DGKB: variants seen among roughly 807,000 people sequenced by gnomAD.
DGKB encodes the protein 90 kDa diacylglycerol kinase.
A neutral mutation model predicts 114.3 loss-of-function variants in DGKB; 67 were observed. The ratio of observed to expected loss-of-function variants is 0.59; its 90% CI spans 0.48 to 0.72. The LOEUF (loss-of-function observed/expected upper bound fraction) is 0.72, where lower values mean the gene tolerates loss of function less well. Ranked by LOEUF, DGKB falls within the 30% of genes least tolerant of loss-of-function variation. DGKB has a pLI of 0.00. For missense variants in DGKB, 907 were observed against 975.2 expected, an observed-to-expected ratio of 0.93 and a Z score of 0.93; for synonymous variants, 398 against 323.1, an observed-to-expected ratio of 1.23 and a Z score of -2.49.
chr7:14,192,086 C>G, intron 23 of DGKB: 1 of 411,226 alleles, frequency 2.4e-6, no homozygotes, highest in Non-Finnish European at 4.8e-6. Context: ...AAGCAGTGGA[C>G]AGGAAGGCTG....
intron 2 of DGKB, among the ~76,000 whole-genome samples, chr7:14,794,721 A>G (rs555277545): frequency 4.6e-5 from 7 of 152,310 alleles, no homozygotes; most frequent in African/African-American, 1.7e-4. Context: ...AGTTAAAATG[A>G]AGGCATTTAA....
chr7:14,808,421 C>G (rs1217500447), intron 2 of DGKB, among the ~76,000 whole-genome samples: 4 of 151,942 alleles, frequency 2.6e-5, no homozygotes, highest in Non-Finnish European at 5.9e-5. Flanking sequence ...TTAATGCTTC[C>G]TAAATGTTCA....
At chr7:14,475,872 T>C (rs1782090366) in intron 21 of DGKB, among the ~76,000 whole-genome samples, 1 of 152,074 alleles carries the variant, frequency 6.6e-6, no homozygotes. Flanking sequence ...TAGGAGTCTT[T>C]ATGAGTAAGA....
At chr7:14,641,796 AT>A (rs150411983) in intron 13 of DGKB, among the ~76,000 whole-genome samples, 6,457 of 152,076 alleles carry the variant, frequency 0.042, 433 homozygotes, top group African/African-American at 0.15. Context: ...TAGAATAAGC[AT>A]TTTTTTATTA....
rs1323448249 is a variant in DGKB at position 14,458,436 on chromosome 7, C to T, written c.1835+19725G>A. ...ATGGCTGAGTAGGAACAGCTCCTGT[C>T]TGCAGCTCCCAGCGAAATCAATGCA... On this transcript the variant is annotated intron_variant, in intron 21 of 25. Coordinates refer to ENST00000402815, the MANE Select transcript of DGKB (RefSeq NM_001350709.2). Among the ~76,000 whole-genome samples, 14 of 152,172 alleles carry T rather than the reference C, an allele frequency of 9.2e-5. 1 individual carries two copies. Among genetic ancestry groups the T allele is most frequent in the Admixed American group, 8.5e-4 (13 of 15,290 alleles).
At chr7:14,206,059 T>G (rs966559098) in intron 23 of DGKB, among the ~76,000 whole-genome samples, 4 of 152,036 alleles carry the variant, frequency 2.6e-5, no homozygotes, top group Admixed American at 2.6e-4. Flanking sequence ...AACTTGCATA[T>G]TAACTACAAA....
intron 1 of DGKB, among the ~76,000 whole-genome samples, chr7:14,967,651 TTA>T: frequency 8.5e-6 from 1 of 117,622 alleles, no homozygotes; most frequent in Non-Finnish European, 1.7e-5. Flanking sequence ...ATGTGATTTA[TTA>T]AAAAAAAAAA....
intron 23 of DGKB, among the ~76,000 whole-genome samples, chr7:14,197,321 A>G (rs527936449): frequency 6.6e-6 from 1 of 152,164 alleles, no homozygotes; most frequent in African/African-American, 2.4e-5. Flanking sequence ...GCTTCACTGT[A>G]TTGGTCTTGC....
intron 21 of DGKB, among the ~76,000 whole-genome samples, chr7:14,376,700 G>A (rs1818532895): frequency 6.6e-6 from 1 of 152,126 alleles, no homozygotes; most frequent in Non-Finnish European, 1.5e-5. Flanking sequence ...CCCTTCAGTA[G>A]CACATGTGTT....
intron 23 of DGKB, among the ~76,000 whole-genome samples, chr7:14,320,357 A>T (rs6962476): frequency 0.88 from 134,589 of 152,190 alleles, 59,797 homozygotes; most frequent in African/African-American, 0.97. Context: ...TGGTCAGATG[A>T]TCCATATTTA....
chr7:14,452,803 G>A (rs1831721614), intron 21 of DGKB, among the ~76,000 whole-genome samples: 1 of 152,006 alleles, frequency 6.6e-6, no homozygotes, highest in South Asian at 2.1e-4. Context: ...AAATATCATA[G>A]AGTGTACTTA....
intron 9 of DGKB, among the ~76,000 whole-genome samples, chr7:14,693,027 G>C (rs936909685): frequency 2.0e-5 from 3 of 152,036 alleles, no homozygotes; most frequent in African/African-American, 7.2e-5. Flanking sequence ...CAGACAGTAA[G>C]TTATCTTGAG....
chr7:14,497,286 T>G (rs1303004226), intron 20 of DGKB, among the ~76,000 whole-genome samples: 1 of 151,780 alleles, frequency 6.6e-6, no homozygotes, highest in Non-Finnish European at 1.5e-5. Flanking sequence ...ACTTCACCAC[T>G]GTACAATTCA....
At chr7:14,811,679 T>C (rs1843452015) in intron 2 of DGKB, among the ~76,000 whole-genome samples, 3 of 152,120 alleles carry the variant, frequency 2.0e-5, no homozygotes, top group Non-Finnish European at 2.9e-5. Flanking sequence ...AACAATATTC[T>C]AATGTCAGAA....
At chr7:14,162,103 C>G (rs1783987949) in intron 25 of DGKB, among the ~76,000 whole-genome samples, 1 of 152,052 alleles carries the variant, frequency 6.6e-6, no homozygotes. Flanking sequence ...AATGTGGTAG[C>G]CTTGTTTTCT....
intron 23 of DGKB, among the ~76,000 whole-genome samples, chr7:14,306,687 G>T (rs1804538668): frequency 6.6e-6 from 1 of 151,998 alleles, no homozygotes; most frequent in Admixed American, 6.6e-5. Flanking sequence ...ATGTTGTGCT[G>T]GAAACCACAT....
At chr7:14,418,898 G>T (rs916976966) in intron 21 of DGKB, among the ~76,000 whole-genome samples, 3 of 151,872 alleles carry the variant, frequency 2.0e-5, no homozygotes, top group African/African-American at 7.2e-5. Context: ...TTCAGTAAGG[G>T]TTAACTGAAT....
chr7:14,376,890 G>T (rs1465544020), intron 21 of DGKB, among the ~76,000 whole-genome samples: 1 of 152,124 alleles, frequency 6.6e-6, no homozygotes, highest in Non-Finnish European at 1.5e-5. Flanking sequence ...AACTTGAAAG[G>T]GAAATTTTGC....
intron 2 of DGKB, among the ~76,000 whole-genome samples, chr7:14,759,639 T>C (rs1835400338): frequency 6.6e-6 from 1 of 152,206 alleles, no homozygotes; most frequent in Admixed American, 6.6e-5. Context: ...ATATACTCCA[T>C]TTAATAAATC....
Sources: allele counts gnomAD v4.1 joint callset (sites outside exome capture counted in the v4.1 genomes callset), GRCh38; gene constraint gnomAD v4.1.1; transcripts MANE v1.5; gene names NCBI Gene and HGNC (gene_info 2026-07-23, HGNC 2026-07-21).